KCNAB2: variants seen among roughly 807,000 people sequenced by gnomAD.
KCNAB2 encodes the protein potassium voltage-gated channel subfamily A regulatory beta subunit 2.
KCNAB2 carries 29 observed loss-of-function variants against 63.6 expected under a neutral mutation model. The ratio of observed to expected loss-of-function variants is 0.46; its 90% CI spans 0.34 to 0.62. KCNAB2 has a LOEUF of 0.62. Ranked by LOEUF, KCNAB2 falls within the 20% of genes least tolerant of loss-of-function variation. The pLI is 0.01. For synonymous variants in KCNAB2, 222 were observed against 224.2 expected (o/e 0.99, Z 0.09); for missense variants, 359 against 563.9 (o/e 0.64, Z 3.68).
chr1:6,096,358 C>A lies in KCNAB2; in HGVS notation c.949-278C>A. 1 of 520,360 alleles carries A rather than the reference C, an allele frequency of 1.9e-6. No individual in the cohort carries two copies. The highest frequency in any genetic ancestry group is 3.5e-6 in the Non-Finnish European group (1 of 286,418). The allele number at this position is 520,360 out of a possible 1,614,324, so 32.2% of individuals were successfully genotyped here. The stretch of plus-strand genomic sequence containing the variant: ...CCTAAGAGAAGGAAGGCCAGCACCT[C>A]GCCTCCTTGTCCTGACTTGGGGTTG... On this transcript the variant is annotated intron_variant, in intron 13 of 15. Coordinates refer to ENST00000378083, the MANE Select transcript of KCNAB2 (RefSeq NM_001199862.2). The surrounding 1 kb of genome is among the most constrained non-coding windows in gnomAD (Gnocchi z 5.9).
chr1:5,998,918 C>A (rs1185861852), intron 1 of KCNAB2, among the ~76,000 whole-genome samples: 1 of 152,232 alleles, frequency 6.6e-6, no homozygotes, highest in African/African-American at 2.4e-5. Context: ...GACCTTTGGA[C>A]TTTGCCGCCA....
chr1:6,040,510 C>T, intron 1 of KCNAB2: 1 of 1,483,350 alleles, frequency 6.7e-7, no homozygotes, highest in Non-Finnish European at 9.4e-7. Context: ...TTTTGCTTTT[C>T]TTCCAGAATT....
chr1:6,017,868 A>G (rs757863161), intron 1 of KCNAB2, among the ~76,000 whole-genome samples: 20 of 151,512 alleles, frequency 1.3e-4, no homozygotes. Flanking sequence ...CGTGGCCTAA[A>G]AGGCTGTGTT....
intron 1 of KCNAB2, among the ~76,000 whole-genome samples, chr1:6,048,917 C>T (rs1310522664): frequency 1.3e-5 from 2 of 152,226 alleles, no homozygotes; most frequent in African/African-American, 2.4e-5. Context: ...GGCCTCATTT[C>T]CTAAGGTGAA....
chr1:5,999,960 G>A (rs572192762), intron 1 of KCNAB2, among the ~76,000 whole-genome samples: 5 of 149,618 alleles, frequency 3.3e-5, no homozygotes, highest in African/African-American at 7.5e-5. Context: ...TGCCCCGTCC[G>A]CACCCTGCCT....
Position 6,066,502 on chromosome 1 carries a change from G to A in KCNAB2, c.219-6253G>A, listed in dbSNP as rs184108568. Among the ~76,000 whole-genome samples, 395 of 152,340 alleles carry A rather than the reference G, an allele frequency of 2.6e-3. 1 individual carries two copies. Among genetic ancestry groups the A allele is most frequent in the African/African-American group, 8.2e-3 (343 of 41,578 alleles). On this transcript the variant is annotated intron_variant, in intron 2 of 15. Coordinates refer to ENST00000378083, the MANE Select transcript of KCNAB2 (RefSeq NM_001199862.2). ...GTTTCTTTCTTCCCAGTTTCAGGGG[G>A]AGATGGTGAGGGCGCCGTCTTCCTT...
chr1:6,087,506 C>T lies in KCNAB2; in HGVS notation c.465C>T (p.Gly155=), dbSNP rs2229005. ...TCATCACCACCAAGATCTTCTGGGG[C>T]GGAAAGTAGGTGCAACAGCTGGCGA... ...SLVITTKIFW[G]GKAETERGLS... The change falls in exon 7 of 16, where the codon GGC becomes GGT. Residue 155 remains glycine (G), a synonymous_variant. Transcript: ENST00000378083. The surrounding 1 kb of genome is among the most constrained non-coding windows in gnomAD (Gnocchi z 6.4). 51 of 1,614,124 alleles carry T rather than the reference C, an allele frequency of 3.2e-5. No individual in the cohort carries two copies. The highest frequency in any genetic ancestry group is 8.8e-5 in the South Asian group (8 of 91,086).
At chr1:6,063,223 C>T (rs1170567507) in intron 2 of KCNAB2, among the ~76,000 whole-genome samples, 1 of 151,746 alleles carries the variant, frequency 6.6e-6, no homozygotes, top group Non-Finnish European at 1.5e-5. Flanking sequence ...CGGGGTTTCG[C>T]CATGTTGGCC....
At chr1:6,055,425 G>T (rs1364568181) in intron 2 of KCNAB2, among the ~76,000 whole-genome samples, 1 of 149,088 alleles carries the variant, frequency 6.7e-6, no homozygotes, top group East Asian at 2.0e-4. Flanking sequence ...GCACAGTCTC[G>T]GCTCACTACA....
intron 1 of KCNAB2, among the ~76,000 whole-genome samples, chr1:6,001,254 G>C (rs897539004): frequency 1.3e-5 from 2 of 151,684 alleles, no homozygotes; most frequent in Non-Finnish European, 2.9e-5. Context: ...CTGAGCCCTT[G>C]GTGCTCTTGG....
chr1:5,998,028 G>A (rs1657033606), intron 1 of KCNAB2, among the ~76,000 whole-genome samples: 1 of 152,190 alleles, frequency 6.6e-6, no homozygotes, highest in Non-Finnish European at 1.5e-5. Context: ...GGAGAGACGG[G>A]GGCAGTGGGG....
chr1:6,095,736 G>GT lies in KCNAB2; in HGVS notation c.948+114dup, dbSNP rs879453970. The GT allele has an allele frequency of 1.4e-4, 135 of 990,350 alleles. 1 individual carries two copies. In the Admixed American group the frequency reaches 2.6e-3, roughly 19 times the overall value. The allele number at this position is 990,350 out of a possible 1,614,324, so 61.3% of individuals were successfully genotyped here. A position where few individuals can be genotyped will look rare whatever the true frequency, so the allele number is the denominator to read the frequency against. ...GGCAGGGGTTCCGGGAGCTGCAGCT[G>GT]TTCCCACCTCGGTCTGCTGGGGGCG... On this transcript the variant is annotated intron_variant, in intron 13 of 15. Coordinates refer to ENST00000378083, the MANE Select transcript of KCNAB2 (RefSeq NM_001199862.2).
intron 1 of KCNAB2, among the ~76,000 whole-genome samples, chr1:6,013,882 T>G (rs1398630632): frequency 6.6e-6 from 1 of 152,126 alleles, no homozygotes. Context: ...CGAGGAGGCC[T>G]TTGGCTGTTC....
At chr1:6,084,070 G>A (rs1664441937) in intron 5 of KCNAB2, among the ~76,000 whole-genome samples, 4 of 152,234 alleles carry the variant, frequency 2.6e-5, no homozygotes, top group Non-Finnish European at 5.9e-5. Flanking sequence ...AGCATTCAGA[G>A]CGCATGCTAA....
intron 2 of KCNAB2, among the ~76,000 whole-genome samples, chr1:6,059,073 C>A (rs983087950): frequency 1.3e-5 from 2 of 152,186 alleles, no homozygotes; most frequent in African/African-American, 4.8e-5. Context: ...GGAGGAAAGG[C>A]AGAGAGACCC....
At chr1:6,057,363 A>G (rs1216538180) in intron 2 of KCNAB2, among the ~76,000 whole-genome samples, 1 of 152,064 alleles carries the variant, frequency 6.6e-6, no homozygotes, top group Non-Finnish European at 1.5e-5. Flanking sequence ...TGCTCAGTTA[A>G]CCATAGGCCA....
intron 1 of KCNAB2, among the ~76,000 whole-genome samples, chr1:5,996,530 G>T (rs929241187): frequency 6.6e-6 from 1 of 152,218 alleles, no homozygotes; most frequent in East Asian, 1.9e-4. Flanking sequence ...CAGGTTCTGC[G>T]TGTCTTCAGT....
At chr1:6,066,111 G>A (rs1571006205) in intron 2 of KCNAB2, among the ~76,000 whole-genome samples, 1 of 152,198 alleles carries the variant, frequency 6.6e-6, no homozygotes, top group South Asian at 2.1e-4. Flanking sequence ...AAGGGCCGGG[G>A]CCCTGAGGAT....
Position 6,060,116 on chromosome 1 carries a change from C to T in KCNAB2, c.218+8362C>T, listed in dbSNP as rs550229033. On this transcript the variant is annotated intron_variant, in intron 2 of 15. Transcript: ENST00000378083. ...GAGTCACCCTACTCCAGACACAGAA[C>T]CTGCTGCTGCCTCACAGGCTCCCGC... Among the ~76,000 whole-genome samples the T allele has an allele frequency of 4.6e-5, 7 of 152,358 alleles. No individual in the cohort carries two copies. The East Asian group carries it at 1.4e-3, about 29-fold the overall frequency.
Sources: allele counts gnomAD v4.1 joint callset (sites outside exome capture counted in the v4.1 genomes callset), GRCh38; gene constraint gnomAD v4.1.1; non-coding constraint Gnocchi (gnomAD v3.1); transcripts MANE v1.5; gene names NCBI Gene and HGNC (gene_info 2026-07-23, HGNC 2026-07-21).